The following KPNA1 variants were observed in gnomAD, a reference collection of about 807,000 sequenced individuals.
The protein encoded by KPNA1 is importin subunit alpha-5.
Under a neutral mutation model 70.5 loss-of-function variants are expected in KPNA1, and 10 were observed. The observed-to-expected ratio is 0.14, with a 90% CI of 0.09 to 0.24. The LOEUF is 0.24. Ranked by LOEUF, KPNA1 falls within the 10% of genes least tolerant of loss-of-function variation. The probability of loss-of-function intolerance (pLI) is 1.00; values close to 1 mark genes in which losing one functional copy is unlikely to be tolerated. For missense variants in KPNA1, 397 were observed against 637.9 expected, an observed-to-expected ratio of 0.62 and a Z score of 4.07; for synonymous variants, 192 against 221.9, an observed-to-expected ratio of 0.87 and a Z score of 1.20.
intron 2 of KPNA1, among the ~76,000 whole-genome samples, chr3:122,479,417 C>T (rs1370148652): frequency 6.6e-6 from 1 of 152,120 alleles, no homozygotes; most frequent in Non-Finnish European, 1.5e-5. Context: ...GCAGAAAAGG[C>T]AAAATGGTAC....
chr3:122,460,689 A>C (rs1484559781), intron 5 of KPNA1: 1 of 923,716 alleles, frequency 1.1e-6, no homozygotes, highest in African/African-American at 1.8e-5. Flanking sequence ...GAGATTACAA[A>C]ATTTCCTCTT....
chr3:122,484,765 C>T (rs1157371983), intron 2 of KPNA1, among the ~76,000 whole-genome samples: 1 of 152,186 alleles, frequency 6.6e-6, no homozygotes, highest in African/African-American at 2.4e-5. Flanking sequence ...AGATTGTTAA[C>T]AGTATCAATT....
rs1471588432 is a variant in KPNA1, at chr3:122,463,946, T to C, written c.333A>G (p.Ser111=). The change falls in exon 4 of 14, where the codon TCA becomes TCG. Residue 111 remains serine (S), a synonymous_variant. Coordinates refer to ENST00000344337, the MANE Select transcript of KPNA1 (RefSeq NM_002264.4). The stretch of plus-strand genomic sequence containing the variant: ...CTGAACATATTCATAGCTCACCTTT[T>C]GAAAGCAGCTTCCTGAATTTCTGTG... ...SATQKFRKLL[S]KEPNPPIDEV... The C allele has an allele frequency of 6.3e-7, 1 of 1,583,416 alleles. No homozygotes were observed. Among genetic ancestry groups the C allele is most frequent in the East Asian group, 2.2e-5 (1 of 44,662 alleles).
Position 122,514,889 on chromosome 3 carries a change from C to G in KPNA1, c.-138G>C, listed in dbSNP as rs1349069548. On this transcript the variant is annotated 5_prime_UTR_variant, in exon 1 of 14. Coordinates refer to ENST00000344337, the MANE Select transcript of KPNA1 (RefSeq NM_002264.4). The stretch of plus-strand genomic sequence containing the variant: ...GCGGTGCTCACCAGGCCTCGCTCTC[C>G]GCCGCCTCGCACCGAGCAGCGAGAC... The G allele has an allele frequency of 6.6e-6, 1 of 152,334 alleles. No homozygotes were observed. Among genetic ancestry groups the G allele is most frequent in the Non-Finnish European group, 1.5e-5 (1 of 68,108 alleles). The allele number at this position is 152,334 out of a possible 1,614,324, so 9.4% of individuals were successfully genotyped here.
chr3:122,453,278 C>A (rs1228975468), intron 6 of KPNA1, among the ~76,000 whole-genome samples: 1 of 152,162 alleles, frequency 6.6e-6, no homozygotes, highest in Non-Finnish European at 1.5e-5. Context: ...CAAGAAAAAA[C>A]CTCTATCAGT....
At chr3:122,458,715 G>A (rs539282246) in intron 5 of KPNA1, among the ~76,000 whole-genome samples, 6 of 152,264 alleles carry the variant, frequency 3.9e-5, no homozygotes, top group African/African-American at 1.4e-4. Context: ...CTCCAAGAAG[G>A]CAGAGGAAGG....
intron 2 of KPNA1, among the ~76,000 whole-genome samples, chr3:122,483,994 A>G (rs997647880): frequency 1.3e-5 from 2 of 152,254 alleles, no homozygotes; most frequent in Non-Finnish European, 2.9e-5. Flanking sequence ...TTTCCTAAAG[A>G]AAACCACTCC....
rs2075812895 is a variant in KPNA1, at chr3:122,425,628, CTG to C, written c.*1355_*1356del. ...CCAGTCCAAGCACAAATGTGGATCA[CTG>C]AACACAGTACTGGAAGCGCCATTTG... On this transcript the variant is annotated 3_prime_UTR_variant, in exon 14 of 14. Coordinates refer to ENST00000344337, the MANE Select transcript of KPNA1 (RefSeq NM_002264.4). 6.6e-6 allele frequency: 1 copy of C among 152,450 alleles called. No homozygotes were observed. Among genetic ancestry groups the C allele is most frequent in the Non-Finnish European group, 1.5e-5 (1 of 68,028 alleles). The allele number at this position is 152,450 out of a possible 1,614,324, so 9.4% of individuals were successfully genotyped here. A position where few individuals can be genotyped will look rare whatever the true frequency, so the allele number is the denominator to read the frequency against.
chr3:122,440,076 T>C (rs2076043030), intron 10 of KPNA1, among the ~76,000 whole-genome samples: 1 of 152,194 alleles, frequency 6.6e-6, no homozygotes, highest in Middle Eastern at 3.2e-3. Context: ...CAGAACTTCA[T>C]TGCATTCAAT....
chr3:122,440,233 G>GA (rs911734238), intron 10 of KPNA1, among the ~76,000 whole-genome samples: 9 of 150,636 alleles, frequency 6.0e-5, no homozygotes, highest in South Asian at 2.1e-4. Context: ...GATGGATAAA[G>GA]AAAAAAAAAT....
chr3:122,459,944 G>T (rs1182952872), intron 5 of KPNA1: 25 of 985,376 alleles, frequency 2.5e-5, no homozygotes, highest in Non-Finnish European at 3.0e-5. Context: ...GGGGACAGGA[G>T]CTATCACTTA....
intron 8 of KPNA1, 111 bp downstream of exon 8, chr3:122,451,423 T>G (rs937133517): frequency 1.6e-6 from 1 of 628,092 alleles, no homozygotes; most frequent in African/African-American, 1.8e-5. Context: ...CAGATAAAAT[T>G]CTAACATTTT....
chr3:122,459,636 T>C, intron 5 of KPNA1: 1 of 985,478 alleles, frequency 1.0e-6, no homozygotes. Flanking sequence ...AGGTGTCTGA[T>C]GATCCTGGCC....
intron 1 of KPNA1, among the ~76,000 whole-genome samples, chr3:122,509,541 A>G (rs1374015513): frequency 6.6e-6 from 1 of 152,226 alleles, no homozygotes. Context: ...ACACAACTAT[A>G]CATACTTACA....
At chr3:122,495,270 A>AAAAAAAAAAAAAAG (rs1182338200) in intron 2 of KPNA1, among the ~76,000 whole-genome samples, 1 of 151,300 alleles carries the variant, frequency 6.6e-6, no homozygotes, top group Non-Finnish European at 1.5e-5. Context: ...ACCAAAAAAA[A>AAAAAAAAAAAAAAG]AAAAAGAAAA....
rs2075817892 is a variant in KPNA1, at chr3:122,425,946, G to GT, written c.*1038dup. The GT allele has an allele frequency of 6.6e-6, 1 of 152,576 alleles. No individual in the cohort carries two copies. The highest frequency in any genetic ancestry group is 2.1e-4 in the South Asian group (1 of 4,832). 9.5% of individuals were successfully genotyped at this position (152,576 alleles called of 1,614,324 possible). A position where few individuals can be genotyped will look rare whatever the true frequency, so the allele number is the denominator to read the frequency against. On this transcript the variant is annotated 3_prime_UTR_variant, in exon 14 of 14. Coordinates refer to ENST00000344337, the MANE Select transcript of KPNA1 (RefSeq NM_002264.4). ...CCCAAAGTTACTTTCAAAAGTATGT[G>GT]TTATCTGCCAGTCACAGAGGGGAAA... is the stretch of plus-strand genomic sequence containing the variant.
At chr3:122,470,451 G>A (rs2076428670) in intron 2 of KPNA1, among the ~76,000 whole-genome samples, 1 of 151,964 alleles carries the variant, frequency 6.6e-6, no homozygotes, top group Non-Finnish European at 1.5e-5. Flanking sequence ...GGTGGAGCTT[G>A]CAGTGAGCCA....
At chr3:122,444,164 G>A (rs1031869758) in intron 9 of KPNA1, among the ~76,000 whole-genome samples, 2 of 141,128 alleles carry the variant, frequency 1.4e-5, no homozygotes, top group Non-Finnish European at 3.3e-5. Context: ...TTTGCAAGAA[G>A]AGAAATATGA....
At chr3:122,430,232 T>C (rs1054481087) in intron 12 of KPNA1, among the ~76,000 whole-genome samples, 3 of 152,104 alleles carry the variant, frequency 2.0e-5, no homozygotes, top group Non-Finnish European at 2.9e-5. Flanking sequence ...CATTCACGGA[T>C]TCACCAAAAA....
Sources: gnomAD v4.1 joint callset for allele counts (sites outside exome capture counted in the v4.1 genomes callset) on GRCh38, gnomAD v4.1.1 for gene constraint, MANE v1.5 for transcripts, NCBI Gene and HGNC (gene_info 2026-07-23, HGNC 2026-07-21) for gene names.